The following GTF2H5 variants were observed in gnomAD, a reference collection of about 807,000 sequenced individuals.
GTF2H5 encodes the protein TFB5 ortholog.
In GTF2H5, 5 loss-of-function variants were observed where a neutral mutation model predicts 7.1. The ratio of observed to expected loss-of-function variants is 0.71; its 90% CI spans 0.37 to 1.49. The LOEUF (loss-of-function observed/expected upper bound fraction) is 1.49, where lower values mean the gene tolerates loss of function less well. Ranked by LOEUF, GTF2H5 falls within the 40% of genes most tolerant of loss-of-function variation. GTF2H5 has a pLI of 0.03. For missense variants in GTF2H5, 80 were observed against 83.0 expected (o/e 0.96, Z 0.14); for synonymous variants, 30 against 31.7 (o/e 0.95, Z 0.18).
At position 158,196,144 on chromosome 6, in the gene GTF2H5, T is replaced by TGC. The variant is rs1210026637; in HGVS notation, c.*3988_*3989insCG. 2.8e-4 allele frequency: 43 copies of TGC among 152,328 alleles called. No individual in the cohort carries two copies. Among genetic ancestry groups the TGC allele is most frequent in the African/African-American group, 1.0e-3 (42 of 41,528 alleles). The allele number at this position is 152,328 out of a possible 1,614,324, so 9.4% of individuals were successfully genotyped here. On this transcript the variant is annotated 3_prime_UTR_variant, in exon 3 of 3. Coordinates refer to ENST00000607778, the MANE Select transcript of GTF2H5 (RefSeq NM_207118.3). Reference sequence around the variant, plus strand: ...AAAATACAAAAAAATTAGCTGGGCATGGTGGTGGACGCCTGTAGTCCCAGC... The same window carrying TGC: ...AAAATACAAAAAAATTAGCTGGGCATGCGGTGGTGGACGCCTGTAGTCCCAGC...
Position 158,169,653 on chromosome 6 carries a change from A to ATATAATGTATAT in GTF2H5, c.-34-817_-34-816insTATAATGTATAT, listed in dbSNP as rs1562468961. Among the ~76,000 whole-genome samples the ATATAATGTATAT allele has an allele frequency of 2.6e-3, 121 of 47,212 alleles. 9 individuals are homozygous for ATATAATGTATAT. Among genetic ancestry groups the ATATAATGTATAT allele is most frequent in the African/African-American group, 0.02 (109 of 5,448 alleles). The allele number at this position is 47,212 out of a possible 152,430, so 31.0% of individuals were successfully genotyped here. ...TTGTATATTACATATATTGTATATT[A>ATATAATGTATAT]CATATAATATATTGTATATTATATA... On this transcript the variant is annotated intron_variant, in intron 1 of 2. Coordinates refer to ENST00000607778, the MANE Select transcript of GTF2H5 (RefSeq NM_207118.3).
chr6:158,169,771 TAA>T (rs1785813444), intron 1 of GTF2H5, among the ~76,000 whole-genome samples: 1 of 90,844 alleles, frequency 1.1e-5, no homozygotes, highest in African/African-American at 3.6e-5. Context: ...ATATTATATA[TAA>T]TATATTGTAT....
chr6:158,175,044 G>GTGTGTATGTGTGTGTGTGTGTA, intron 2 of GTF2H5, among the ~76,000 whole-genome samples: 2 of 142,852 alleles, frequency 1.4e-5, no homozygotes, highest in African/African-American at 5.3e-5. Flanking sequence ...GTGTGTGTGT[G>GTGTGTATGTGTGTGTGTGTGTA]TATACACACA....
chr6:158,169,441 A>ATATAG lies in GTF2H5; in HGVS notation c.-34-1025_-34-1024insGTATA, dbSNP rs1554266936. 3.1e-3 allele frequency among the ~76,000 whole-genome samples: 202 copies of ATATAG among 64,570 alleles called. 4 individuals are homozygous for ATATAG. The highest frequency in any genetic ancestry group is 0.024 in the East Asian group (39 of 1,656). The allele number at this position is 64,570 out of a possible 152,430, so 42.4% of individuals were successfully genotyped here. ...TTATATATAATATATTGTATATTAT[A>ATATAG]TATATTATATATTATATATATTATA... is the stretch of plus-strand genomic sequence containing the variant. On this transcript the variant is annotated intron_variant, in intron 1 of 2. Transcript: ENST00000607778.
At chr6:158,169,483 ATATATTG>A (rs1785744392) in intron 1 of GTF2H5, among the ~76,000 whole-genome samples, 2 of 57,918 alleles carry the variant, frequency 3.5e-5, no homozygotes, top group African/African-American at 2.2e-4. Flanking sequence ...ATTATATATA[ATATATTG>A]TATATTATAT....
At chr6:158,172,286 A>G (rs1274543623) in intron 2 of GTF2H5, among the ~76,000 whole-genome samples, 1 of 149,924 alleles carries the variant, frequency 6.7e-6, no homozygotes, top group Non-Finnish European at 1.5e-5. Flanking sequence ...GAGAAGAGAC[A>G]TATTATTAGA....
intron 2 of GTF2H5, chr6:158,191,054 G>A (rs922636858): frequency 2.2e-5 from 9 of 409,170 alleles, no homozygotes; most frequent in African/African-American, 1.7e-4. Flanking sequence ...TACAAGCCAA[G>A]CACTGTCCTT....
At chr6:158,190,646 A>C (rs776745773) in intron 2 of GTF2H5, 133 of 478,828 alleles carry the variant, frequency 2.8e-4, no homozygotes, top group Non-Finnish European at 4.7e-4. Flanking sequence ...CCGTGTTAGC[A>C]TCAGTTAATA....
chr6:158,187,356 A>G (rs1376008960), intron 2 of GTF2H5, among the ~76,000 whole-genome samples: 1 of 152,122 alleles, frequency 6.6e-6, no homozygotes, highest in Non-Finnish European at 1.5e-5. Context: ...AAAGACCTGG[A>G]AAGGAATGGA....
Position 158,193,416 on chromosome 6 carries a change from G to A in GTF2H5, c.*1259G>A, listed in dbSNP as rs940434131. ...GATCATGTCATTGGGGTGGGTTCCT[G>A]TAAAGGGAATTTTCCAAGAGAAAAG... On this transcript the variant is annotated 3_prime_UTR_variant, in exon 3 of 3. Coordinates refer to ENST00000607778, the MANE Select transcript of GTF2H5 (RefSeq NM_207118.3). 7.9e-5 allele frequency: 12 copies of A among 152,188 alleles called. No homozygotes were observed. The highest frequency in any genetic ancestry group is 2.7e-4 in the African/African-American group (11 of 41,444). The allele number at this position is 152,188 out of a possible 1,614,324, so 9.4% of individuals were successfully genotyped here. A position where few individuals can be genotyped will look rare whatever the true frequency, so the allele number is the denominator to read the frequency against.
In GTF2H5 at chr6:158,192,062, A is replaced by G. The variant is rs1554268878; in HGVS notation, c.121A>G (p.Thr41Ala). 7 of 1,612,828 alleles carry G rather than the reference A, an allele frequency of 4.3e-6. 1 individual carries two copies. The highest frequency in any genetic ancestry group is 1.7e-4 in the Middle Eastern group (1 of 6,052). The change falls in exon 3 of 3, where the codon ACT (threonine) becomes GCT (alanine). Residue 41 changes from threonine (T) to alanine (A), a missense_variant. Transcript: ENST00000607778. ...KKFIIQDIDD[T>A]HVFVIAELVN... ...GTTCATCATTCAAGACATTGATGACACTCACGTCTTTGTAATAGCAGAATT... is the reference window on the plus strand; with the variant it reads ...GTTCATCATTCAAGACATTGATGACGCTCACGTCTTTGTAATAGCAGAATT...
intron 2 of GTF2H5, among the ~76,000 whole-genome samples, chr6:158,191,563 A>G (rs926497880): frequency 6.6e-6 from 1 of 151,874 alleles, no homozygotes; most frequent in Non-Finnish European, 1.5e-5. Flanking sequence ...GCTCACTGCA[A>G]GCTCTGCCTC....
chr6:158,169,162 A>T (rs953718620), intron 1 of GTF2H5, among the ~76,000 whole-genome samples: 1 of 148,728 alleles, frequency 6.7e-6, no homozygotes, highest in Non-Finnish European at 1.5e-5. Flanking sequence ...TGAGCCCGGG[A>T]GGCAGAGGTT....
chr6:158,169,448 A>ATATATTATATATATTATATTG (rs1469208011), intron 1 of GTF2H5, among the ~76,000 whole-genome samples: 3 of 66,864 alleles, frequency 4.5e-5, no homozygotes, highest in African/African-American at 1.6e-4. Context: ...TATATATATT[A>ATATATTATATATATTATATTG]TATATTATAT....
chr6:158,169,745 T>TTGTATATTGTATATTA (rs1554267172), intron 1 of GTF2H5, among the ~76,000 whole-genome samples: 1 of 54,052 alleles, frequency 1.9e-5, no homozygotes, highest in African/African-American at 1.0e-4. Flanking sequence ...ATATTATATA[T>TTGTATATTGTATATTA]TATATAATAT....
Position 158,192,139 on chromosome 6 carries a change from T to C in GTF2H5, c.198T>C (p.Phe66=). Residue 66 remains phenylalanine (F), a synonymous_variant, in exon 3 of 3, where the codon TTT becomes TTC. Transcript: ENST00000607778. ...GTGAATTAATGGACCAAAATGCTTT[T>C]TCCCTTACCCAGAAATGAAAATACT... ...RVGELMDQNA[F]SLTQK 6.2e-7 allele frequency: 1 copy of C among 1,612,872 alleles called. No homozygotes were observed.
chr6:158,173,549 G>T (rs562107989), intron 2 of GTF2H5, among the ~76,000 whole-genome samples: 5 of 152,242 alleles, frequency 3.3e-5, no homozygotes, highest in Non-Finnish European at 7.4e-5. Flanking sequence ...AATATCCATG[G>T]ATTGTATGAA....
At chr6:158,170,615 C>A (rs970669132) in intron 2 of GTF2H5, 77 bp downstream of exon 2, 18 of 1,059,972 alleles carry the variant, frequency 1.7e-5, no homozygotes, top group South Asian at 1.7e-4. Flanking sequence ...TTTCTAAAAC[C>A]CTGTTGTTTT....
In GTF2H5 at chr6:158,171,238, C is replaced by T. The variant is rs542074427; in HGVS notation, c.35+700C>T. Among the ~76,000 whole-genome samples the T allele has an allele frequency of 5.9e-5, 9 of 152,256 alleles. No homozygotes were observed. In the South Asian group the frequency reaches 8.3e-4, roughly 14 times the overall value. On this transcript the variant is annotated intron_variant, in intron 2 of 2. Coordinates refer to ENST00000607778, the MANE Select transcript of GTF2H5 (RefSeq NM_207118.3). ...TTTTTTCTAGCCATCTTAAAAGTAACGTAAAATGAAACAGGTGAAGTTAAT... is the reference window on the plus strand; with the variant it reads ...TTTTTTCTAGCCATCTTAAAAGTAATGTAAAATGAAACAGGTGAAGTTAAT...
Sources: allele counts gnomAD v4.1 joint callset (sites outside exome capture counted in the v4.1 genomes callset), GRCh38; gene constraint gnomAD v4.1.1; transcripts MANE v1.5; gene names NCBI Gene and HGNC (gene_info 2026-07-23, HGNC 2026-07-21).